FAM163A: variants seen among roughly 807,000 people sequenced by gnomAD.
FAM163A encodes family with sequence similarity 163 member A.
In FAM163A, 7 loss-of-function variants were observed where a neutral mutation model predicts 12.0. The ratio of observed to expected loss-of-function variants is 0.58; its 90% CI spans 0.33 to 1.10. FAM163A has a LOEUF of 1.10. FAM163A is among the 50% of genes least tolerant of loss of function. The probability of loss-of-function intolerance (pLI) is 0.03; values close to 1 mark genes in which losing one functional copy is unlikely to be tolerated. For missense variants in FAM163A, 202 were observed against 218.6 expected, an observed-to-expected ratio of 0.92 and a Z score of 0.48; for synonymous variants, 101 against 91.0, an observed-to-expected ratio of 1.11 and a Z score of -0.62.
At chr1:179,811,871 C>T (rs1694752600) in intron 2 of FAM163A, among the ~76,000 whole-genome samples, 1 of 152,164 alleles carries the variant, frequency 6.6e-6, no homozygotes, top group African/African-American at 2.4e-5. Context: ...AGGGTGGTGA[C>T]TTTAACCTGT....
At chr1:179,808,367 C>T (rs1694242081) in intron 2 of FAM163A, among the ~76,000 whole-genome samples, 1 of 152,230 alleles carries the variant, frequency 6.6e-6, no homozygotes, top group African/African-American at 2.4e-5. Flanking sequence ...TTCTGTGGGT[C>T]AGGAGTCCAG....
intron 1 of FAM163A, among the ~76,000 whole-genome samples, chr1:179,795,938 C>A (rs73039695): frequency 0.039 from 4,445 of 113,168 alleles, 250 homozygotes; most frequent in African/African-American, 0.17. Context: ...GCCTATAGAT[C>A]CTATGACAGG....
At chr1:179,777,913 G>C (rs969265222) in intron 1 of FAM163A, among the ~76,000 whole-genome samples, 1 of 152,174 alleles carries the variant, frequency 6.6e-6, no homozygotes, top group African/African-American at 2.4e-5. Context: ...CCAACCTCAT[G>C]ACTGACTGGC....
intron 1 of FAM163A, among the ~76,000 whole-genome samples, chr1:179,770,051 G>A (rs550646016): frequency 9.9e-5 from 15 of 151,718 alleles, no homozygotes; most frequent in South Asian, 6.3e-4. Context: ...GACTACAGGC[G>A]CCTGCCACCA....
At chr1:179,776,096 G>C (rs1288991401) in intron 1 of FAM163A, among the ~76,000 whole-genome samples, 3 of 152,154 alleles carry the variant, frequency 2.0e-5, no homozygotes, top group African/African-American at 7.2e-5. Flanking sequence ...TACACTTGGT[G>C]CTGGTCTAGT....
At chr1:179,754,736 C>T (rs4511077) in intron 1 of FAM163A, among the ~76,000 whole-genome samples, 36,134 of 152,100 alleles carry the variant, frequency 0.24, 4,954 homozygotes, top group East Asian at 0.63. Context: ...TAAACAGTAG[C>T]CTGGTGTACT....
chr1:179,789,522 C>T (rs1691138954), intron 1 of FAM163A, among the ~76,000 whole-genome samples: 1 of 152,236 alleles, frequency 6.6e-6, no homozygotes, highest in South Asian at 2.1e-4. Flanking sequence ...TACCACTCTT[C>T]CTTCCCCTTC....
Position 179,813,886 on chromosome 1 carries a change from C to T in FAM163A, c.201C>T (p.Ser67=), listed in dbSNP as rs918866718. Reference sequence around the variant, plus strand: ...GCCCCACCTGCAATGCCTGCAGCTCCCAAGCCCTGGACGGCAGAGGCAGCC... The same window carrying T: ...GCCCCACCTGCAATGCCTGCAGCTCTCAAGCCCTGGACGGCAGAGGCAGCC... ...PRGPTCNACS[S]QALDGRGSLA... Residue 67 remains serine, a synonymous_variant, in exon 5 of 5, where the codon TCC becomes TCT. Coordinates refer to ENST00000341785, the MANE Select transcript of FAM163A (RefSeq NM_173509.3). 1 of 1,613,978 alleles carries T rather than the reference C, an allele frequency of 6.2e-7. No homozygotes were observed. Among genetic ancestry groups the T allele is most frequent in the Admixed American group, 1.7e-5 (1 of 60,028 alleles).
chr1:179,792,087 C>T (rs1422295659), intron 1 of FAM163A, among the ~76,000 whole-genome samples: 2 of 152,136 alleles, frequency 1.3e-5, no homozygotes, highest in African/African-American at 4.8e-5. Context: ...TGACCTTGAG[C>T]AAGTTTCTCA....
intron 1 of FAM163A, among the ~76,000 whole-genome samples, chr1:179,762,089 A>G (rs1192204778): frequency 6.6e-6 from 1 of 152,194 alleles, no homozygotes; most frequent in Non-Finnish European, 1.5e-5. Context: ...TGATTTTGGC[A>G]GGAAGCAGAT....
At chr1:179,782,425 G>T (rs1185836966) in intron 1 of FAM163A, among the ~76,000 whole-genome samples, 1 of 152,008 alleles carries the variant, frequency 6.6e-6, no homozygotes, top group Admixed American at 6.6e-5. Flanking sequence ...TGGTGATGTG[G>T]TCCGGGCAGC....
chr1:179,738,530 G>A (rs1237762201), upstream of FAM163A, among the ~76,000 whole-genome samples: 1 of 152,040 alleles, frequency 6.6e-6, no homozygotes, highest in East Asian at 1.9e-4. Context: ...GACCAAGTAG[G>A]CTTTATTCCA....
At position 179,783,744 on chromosome 1, in the gene FAM163A, A is replaced by ATATTATATATATATATTATATAATT. The variant is rs1690152320; in HGVS notation, c.-135-24040_-135-24039insATTATATAATTTATTATATATATAT. ...CCAAATTTTATATAATTGAGCCCAA[A>ATATTATATATATATATTATATAATT]TATTATATATATATTATATAATTTA... On this transcript the variant is annotated intron_variant, in intron 1 of 4. Coordinates refer to ENST00000341785, the MANE Select transcript of FAM163A (RefSeq NM_173509.3). Among the ~76,000 whole-genome samples, 49 of 61,490 alleles carry ATATTATATATATATATTATATAATT rather than the reference A, an allele frequency of 8.0e-4. 1 individual carries two copies. The highest frequency in any genetic ancestry group is 2.7e-3 in the African/African-American group (19 of 7,066). 40.3% of individuals were successfully genotyped at this position (61,490 alleles called of 152,430 possible).
chr1:179,782,125 C>G (rs915553326), intron 1 of FAM163A, among the ~76,000 whole-genome samples: 1 of 152,004 alleles, frequency 6.6e-6, no homozygotes, highest in Non-Finnish European at 1.5e-5. Context: ...GGGGAACAGG[C>G]GAAATGATCT....
At chr1:179,754,951 A>G (rs1685794633) in intron 1 of FAM163A, among the ~76,000 whole-genome samples, 1 of 152,190 alleles carries the variant, frequency 6.6e-6, no homozygotes, top group African/African-American at 2.4e-5. Flanking sequence ...AGCCTGGCCA[A>G]CATGGTGAAA....
At chr1:179,803,987 G>A (rs1693570984) in intron 1 of FAM163A, 1 of 142,050 alleles carries the variant, frequency 7.0e-6, no homozygotes, top group Non-Finnish European at 1.6e-5. Context: ...TCCAGGCCAG[G>A]CGGCAGGAGG....
intron 1 of FAM163A, among the ~76,000 whole-genome samples, chr1:179,801,462 G>T (rs573922302): frequency 1.3e-5 from 2 of 152,228 alleles, no homozygotes; most frequent in South Asian, 4.2e-4. Flanking sequence ...CAGCTCAGAG[G>T]GCTAACTGCA....
chr1:179,801,025 T>C (rs1693097171), intron 1 of FAM163A, among the ~76,000 whole-genome samples: 1 of 152,128 alleles, frequency 6.6e-6, no homozygotes, highest in Non-Finnish European at 1.5e-5. Context: ...GGACTGCTGT[T>C]CTCATGGTCA....
chr1:179,743,811 G>T (rs1048052933), intron 1 of FAM163A, among the ~76,000 whole-genome samples: 3 of 152,164 alleles, frequency 2.0e-5, no homozygotes, highest in African/African-American at 7.2e-5. Context: ...TCTACTCAGC[G>T]TGTCTGCAGC....
Sources: gnomAD v4.1 joint callset for allele counts (sites outside exome capture counted in the v4.1 genomes callset) on GRCh38, gnomAD v4.1.1 for gene constraint, MANE v1.5 for transcripts, NCBI Gene and HGNC (gene_info 2026-07-23, HGNC 2026-07-21) for gene names.